Variants in VWCE observed in about 807,000 individuals in gnomAD.
VWCE encodes the protein von Willebrand factor C and EGF domain-containing protein.
Under a neutral mutation model 102.9 loss-of-function variants are expected in VWCE, and 68 were observed. The observed-to-expected ratio is 0.66, with a 90% CI of 0.54 to 0.81. VWCE has a LOEUF of 0.81. VWCE is among the 30% of genes least tolerant of loss of function. The probability of loss-of-function intolerance (pLI) is 0.00; values close to 1 mark genes in which losing one functional copy is unlikely to be tolerated. For synonymous variants in VWCE, 497 were observed against 515.4 expected (o/e 0.96, Z 0.48); for missense variants, 1,137 against 1,263.6 (o/e 0.90, Z 1.52).
At chr11:61,260,923 C>CA (rs1854337574) in intron 19 of VWCE, among the ~76,000 whole-genome samples, 1 of 151,824 alleles carries the variant, frequency 6.6e-6, no homozygotes, top group Non-Finnish European at 1.5e-5. Flanking sequence ...AGTGAAGAAG[C>CA]AAAAAAAGAA....
intron 8 of VWCE, 34 bp downstream of exon 8, chr11:61,280,759 G>C: frequency 6.2e-7 from 1 of 1,613,030 alleles, no homozygotes; most frequent in South Asian, 1.1e-5. Flanking sequence ...CAAGGCCCCA[G>C]ACCAAGGAAG....
At chr11:61,291,220 G>T in intron 3 of VWCE, 44 bp downstream of exon 3, 1 of 1,498,930 alleles carries the variant, frequency 6.7e-7, no homozygotes, top group Non-Finnish European at 9.0e-7. Flanking sequence ...TAACCTCAAT[G>T]CTCATTCATC....
chr11:61,278,476 C>T lies in VWCE; in HGVS notation c.1325G>A (p.Gly442Asp). Residue 442 changes from glycine (G) to aspartate (D), a missense_variant and splice_region_variant, in exon 10 of 20, where the codon GGC becomes GAC. Gly to Asp is a moderately conservative substitution (Grantham distance 94). Coordinates refer to ENST00000335613, the MANE Select transcript of VWCE (RefSeq NM_152718.2). ...RDGGCCPSCT[G>D]CFHSGVVRAE... is the part of the protein sequence containing the mutation. ...TCGGACGACACCACTGTGAAAACAG[C>T]CTTTGAAGGACAAATAGGAGGTAGA... The T allele has an allele frequency of 6.2e-7, 1 of 1,614,064 alleles. No individual in the cohort carries two copies. Among genetic ancestry groups the T allele is most frequent in the Non-Finnish European group, 8.5e-7 (1 of 1,179,974 alleles).
intron 14 of VWCE, among the ~76,000 whole-genome samples, chr11:61,271,003 G>C (rs201616169): frequency 3.1e-4 from 46 of 150,294 alleles, no homozygotes; most frequent in African/African-American, 1.1e-3. Flanking sequence ...GTCACTACAT[G>C]CAGCTAATTT....
At chr11:61,265,317 A>C in intron 16 of VWCE, 105 bp from the exon 17 acceptor site, 4 of 1,055,188 alleles carry the variant, frequency 3.8e-6, no homozygotes, top group Non-Finnish European at 5.3e-6. Context: ...AGAACAATCA[A>C]CATTGTGGGA....
At chr11:61,284,398 A>C (rs1343439142) in intron 5 of VWCE, among the ~76,000 whole-genome samples, 1 of 152,224 alleles carries the variant, frequency 6.6e-6, no homozygotes, top group Non-Finnish European at 1.5e-5. Context: ...CTGAGAGTTC[A>C]GCAACTATCC....
rs2134741098 is a variant in VWCE, at chr11:61,265,212, G to A, written c.1966C>T (p.Leu656=). 6.8e-7 allele frequency: 1 copy of A among 1,475,122 alleles called. No individual in the cohort carries two copies. Among genetic ancestry groups the A allele is most frequent in the Non-Finnish European group, 9.0e-7 (1 of 1,111,458 alleles). 91.4% of individuals were successfully genotyped at this position (1,475,122 alleles called of 1,614,324 possible). A position where few individuals can be genotyped will look rare whatever the true frequency, so the allele number is the denominator to read the frequency against. ...LDPCLSCICL[L]GSVACSPVDC... Reference sequence around the variant, plus strand: ...ACGGGGGAACAGGCCACTGAGCCCAGCTGCAGGACACAGAAAACACACAAG... The same window carrying A: ...ACGGGGGAACAGGCCACTGAGCCCAACTGCAGGACACAGAAAACACACAAG... The change falls in exon 17 of 20, where the codon CTG becomes TTG. Residue 656 remains leucine (L), a splice_region_variant and synonymous_variant. Transcript: ENST00000335613.
In VWCE at chr11:61,281,813, G is replaced by A. The variant is rs779537106; in HGVS notation, c.760C>T (p.Leu254Phe). The A allele has an allele frequency of 3.1e-6, 5 of 1,613,790 alleles. No individual in the cohort carries two copies. The highest frequency in any genetic ancestry group is 2.2e-5 in the East Asian group (1 of 44,872). ...TCACAGGACACGCGGTCAGCTCGGA[G>A]CCTGAAGCCAGGTCGGCATGTGCAT... ...FLCTCRPGFR[L>F]RADRVSCEAF... The change falls in exon 7 of 20, where the codon CTC becomes TTC. Residue 254 changes from leucine to phenylalanine, a missense_variant. Coordinates refer to ENST00000335613, the MANE Select transcript of VWCE (RefSeq NM_152718.2).
rs1855106929 is a variant in VWCE at position 61,280,975 on chromosome 11, G to C, written c.1048C>G (p.Leu350Val). The C allele has an allele frequency of 6.5e-7, 1 of 1,537,834 alleles. No individual in the cohort carries two copies. The highest frequency in any genetic ancestry group is 2.1e-5 in the Admixed American group (1 of 48,168). The change falls in exon 8 of 20, where the codon CTG becomes GTG. Residue 350 changes from leucine to valine, a missense_variant. Coordinates refer to ENST00000335613, the MANE Select transcript of VWCE (RefSeq NM_152718.2). ...GAGGGGGGTCTGAGGTTCCCCAGCAGGGAGGCAGTAGGCACTGGGGTGGCC... is the reference window on the plus strand; with the variant it reads ...GAGGGGGGTCTGAGGTTCCCCAGCACGGAGGCAGTAGGCACTGGGGTGGCC... ...LLATPVPTAS[L>V]LGNLRPPSLL...
chr11:61,267,320 G>A, intron 16 of VWCE, 142 bp downstream of exon 16: 2 of 805,226 alleles, frequency 2.5e-6, no homozygotes, highest in South Asian at 1.6e-5. Flanking sequence ...CCCTGGGCAG[G>A]ACTGGAGGGA....
chr11:61,295,070 C>A lies in VWCE; in HGVS notation c.-33G>T. On this transcript the variant is annotated 5_prime_UTR_variant, in exon 1 of 20. Coordinates refer to ENST00000335613, the MANE Select transcript of VWCE (RefSeq NM_152718.2). This position sits in a 1 kb window ranked among gnomAD's most constrained non-coding sequence, Gnocchi z 4.6. ...GGCGGCGGGTCCCCCGGGCTGGGCT[C>A]GGCTCCTGCGCCGCGCGCGGGAGAG... 1 of 1,296,520 alleles carries A rather than the reference C, an allele frequency of 7.7e-7. No homozygotes were observed. Among genetic ancestry groups the A allele is most frequent in the Non-Finnish European group, 9.8e-7 (1 of 1,015,300 alleles). The allele number at this position is 1,296,520 out of a possible 1,614,324, so 80.3% of individuals were successfully genotyped here. A position where few individuals can be genotyped will look rare whatever the true frequency, so the allele number is the denominator to read the frequency against.
At chr11:61,293,917 C>T (rs1855590974) in intron 1 of VWCE, among the ~76,000 whole-genome samples, 1 of 152,174 alleles carries the variant, frequency 6.6e-6, no homozygotes, top group Non-Finnish European at 1.5e-5. Flanking sequence ...CGGGAGCTGG[C>T]AGTGAAGTCT....
intron 5 of VWCE, among the ~76,000 whole-genome samples, chr11:61,285,249 A>C (rs988522137): frequency 5.3e-5 from 8 of 152,282 alleles, no homozygotes; most frequent in African/African-American, 1.9e-4. Context: ...ATGGCTTTTA[A>C]ATTTTTTCTC....
At chr11:61,288,001 T>A (rs935839566) in intron 4 of VWCE, among the ~76,000 whole-genome samples, 2 of 150,312 alleles carry the variant, frequency 1.3e-5, no homozygotes, top group Admixed American at 6.6e-5. Context: ...TAAAAAAAAA[T>A]ACAAAAATTA....
intron 19 of VWCE, among the ~76,000 whole-genome samples, chr11:61,263,560 G>A (rs1025333704): frequency 6.6e-6 from 1 of 152,180 alleles, no homozygotes; most frequent in Non-Finnish European, 1.5e-5. Context: ...TATGTGTTGT[G>A]TTGTGTTTTG....
Position 61,280,868 on chromosome 11 carries a change from G to A in VWCE, c.1155C>T (p.Pro385=), listed in dbSNP as rs755420613. Residue 385 remains proline (P), a synonymous_variant, in exon 8 of 20, where the codon CCC becomes CCT. Coordinates refer to ENST00000335613, the MANE Select transcript of VWCE (RefSeq NM_152718.2). ...CATGCATGGCTCCCAGGTGCCAGCA[G>A]GGAGAGGGCCCTGCTGCCAGTCGGG... is the stretch of plus-strand genomic sequence containing the variant. ...ESPRLAAGPS[P]CWHLGAMHES... 6.5e-7 allele frequency: 1 copy of A among 1,536,792 alleles called. No homozygotes were observed. Among genetic ancestry groups the A allele is most frequent in the Non-Finnish European group, 8.7e-7 (1 of 1,143,696 alleles).
intron 1 of VWCE, among the ~76,000 whole-genome samples, chr11:61,293,241 C>CAAAA (rs764741197): frequency 0.031 from 567 of 18,012 alleles, 98 homozygotes; most frequent in African/African-American, 0.099. Context: ...AACTCCATCT[C>CAAAA]AAAAAAAAAA....
chr11:61,283,407 T>TTTG (rs999017292), intron 5 of VWCE, among the ~76,000 whole-genome samples: 1 of 152,112 alleles, frequency 6.6e-6, no homozygotes, highest in Non-Finnish European at 1.5e-5. Context: ...TAAATTCTTT[T>TTTG]TTGTTGTTGT....
At chr11:61,271,887 TACAC>T (rs929857482) in intron 13 of VWCE, 127 bp from the exon 14 acceptor site, 9 of 773,914 alleles carry the variant, frequency 1.2e-5, no homozygotes, top group African/African-American at 5.2e-5. Flanking sequence ...CACACAAACT[TACAC>T]ACACTCATAC....
Sources: allele counts gnomAD v4.1 joint callset (sites outside exome capture counted in the v4.1 genomes callset), GRCh38; gene constraint gnomAD v4.1.1; non-coding constraint Gnocchi (gnomAD v3.1); transcripts MANE v1.5; gene names NCBI Gene and HGNC (gene_info 2026-07-23, HGNC 2026-07-21).